The following PAQR5 variants were observed in gnomAD, a reference collection of about 807,000 sequenced individuals.
PAQR5 encodes the protein membrane progestin receptor gamma.
PAQR5 carries 20 observed loss-of-function variants against 34.5 expected under a neutral mutation model. The ratio of observed to expected loss-of-function variants is 0.58; its 90% CI spans 0.41 to 0.84. PAQR5 has a LOEUF of 0.84. PAQR5 is among the 40% of genes least tolerant of loss of function. The pLI is 0.00. For synonymous variants in PAQR5, 131 were observed against 155.6 expected, an observed-to-expected ratio of 0.84 and a Z score of 1.18; for missense variants, 378 against 412.7, an observed-to-expected ratio of 0.92 and a Z score of 0.73.
intron 3 of PAQR5, among the ~76,000 whole-genome samples, chr15:69,365,097 ATTTTATTTTATTT>A (rs1482297384): frequency 3.5e-5 from 1 of 28,838 alleles, no homozygotes; most frequent in African/African-American, 6.8e-5. Flanking sequence ...ATTTTATTTT[ATTTTATTTTATTT>A]TATTTATTTA....
At chr15:69,387,757 T>C (rs2056152206) in intron 5 of PAQR5, among the ~76,000 whole-genome samples, 1 of 152,134 alleles carries the variant, frequency 6.6e-6, no homozygotes, top group South Asian at 2.1e-4. Flanking sequence ...TCTGTCTGTG[T>C]AAGAGTTCCT....
rs146889327 is a variant in PAQR5 at position 69,361,000 on chromosome 15, G to A, written c.51+869G>A. On this transcript the variant is annotated intron_variant, in intron 3 of 8. Transcript: ENST00000395407. ...TAACCCTAAAAGCCTGTGAAGCCAG[G>A]TGATTCCAGGAAGATGGCATGGGGG... 4.1e-3 allele frequency among the ~76,000 whole-genome samples: 622 copies of A among 152,316 alleles called. 6 individuals are homozygous for A. The highest frequency in any genetic ancestry group is 0.012 in the African/African-American group (512 of 41,570).
chr15:69,319,561 TTGG>T (rs1486055942), intron 1 of PAQR5, among the ~76,000 whole-genome samples: 1 of 152,018 alleles, frequency 6.6e-6, no homozygotes, highest in Non-Finnish European at 1.5e-5. Context: ...TAGGCCCACC[TTGG>T]CGGCTCTGGG....
At chr15:69,329,653 A>G (rs1373798798) in intron 1 of PAQR5, among the ~76,000 whole-genome samples, 1 of 151,154 alleles carries the variant, frequency 6.6e-6, no homozygotes, top group African/African-American at 2.4e-5. Flanking sequence ...CCCGGCTAAT[A>G]TTTTGTATTT....
intron 1 of PAQR5, among the ~76,000 whole-genome samples, chr15:69,319,862 C>T (rs2054053705): frequency 6.6e-6 from 1 of 152,212 alleles, no homozygotes; most frequent in African/African-American, 2.4e-5. Flanking sequence ...CTCCAGGTTC[C>T]CAGCCTGCTG....
chr15:69,312,863 T>C (rs984384411), intron 1 of PAQR5, among the ~76,000 whole-genome samples: 1 of 152,100 alleles, frequency 6.6e-6, no homozygotes, highest in African/African-American at 2.4e-5. Flanking sequence ...GGGGTGGGGA[T>C]TTGCCTGTTC....
chr15:69,345,984 A>G lies in PAQR5; in HGVS notation c.-116+8483A>G, dbSNP rs2054758948. On this transcript the variant is annotated intron_variant, in intron 2 of 8. Coordinates refer to ENST00000395407, the MANE Select transcript of PAQR5 (RefSeq NM_017705.4). ...ATGAAATCTTATATGGAACACAAAT[A>G]CACTGTTAAAACATTGGCAGAGCTT... 5.3e-5 allele frequency among the ~76,000 whole-genome samples: 8 copies of G among 152,352 alleles called. 1 individual carries two copies. The South Asian group carries it at 1.7e-3, about 32-fold the overall frequency.
rs2053580545 is a variant in PAQR5 at position 69,300,939 on chromosome 15, C to CTTTCCT, written c.-277+1887_-277+1888insCTTTTC. Among the ~76,000 whole-genome samples the CTTTCCT allele has an allele frequency of 5.4e-5, 2 of 37,278 alleles. 1 individual carries two copies. The highest frequency in any genetic ancestry group is 1.6e-4 in the African/African-American group (2 of 12,476). The allele number at this position is 37,278 out of a possible 152,430, so 24.5% of individuals were successfully genotyped here. A position where few individuals can be genotyped will look rare whatever the true frequency, so the allele number is the denominator to read the frequency against. Reference sequence around the variant, plus strand: ...TTTCTCTCTCTCTCTCTCTCTCTCTCTTTCTTTCCTTCTTTCTTTCTTTCT... The same window carrying CTTTCCT: ...TTTCTCTCTCTCTCTCTCTCTCTCTCTTTCCTTTTCTTTCCTTCTTTCTTTCTTTCT... On this transcript the variant is annotated intron_variant, in intron 1 of 8. Transcript: ENST00000395407.
At position 69,366,889 on chromosome 15, in the gene PAQR5, C is replaced by G. The variant is rs563633891; in HGVS notation, c.51+6758C>G. Among the ~76,000 whole-genome samples, 20 of 151,570 alleles carry G rather than the reference C, an allele frequency of 1.3e-4. 1 individual carries two copies. In the South Asian group the frequency reaches 3.6e-3, roughly 27 times the overall value. The stretch of plus-strand genomic sequence containing the variant: ...AGGTATATCCAAGTTTATAATTGTC[C>G]TATTTTCTATCTTCCCGATGTTGCA... On this transcript the variant is annotated intron_variant, in intron 3 of 8. Transcript: ENST00000395407.
intron 2 of PAQR5, among the ~76,000 whole-genome samples, chr15:69,339,632 C>T (rs1438686414): frequency 6.6e-6 from 1 of 152,118 alleles, no homozygotes; most frequent in African/African-American, 2.4e-5. Context: ...ACCACCATGC[C>T]TGGCAATTTT....
At chr15:69,344,320 T>C (rs2054713642) in intron 2 of PAQR5, among the ~76,000 whole-genome samples, 1 of 152,224 alleles carries the variant, frequency 6.6e-6, no homozygotes, top group South Asian at 2.1e-4. Flanking sequence ...ATACCATAGC[T>C]GTCATGCCAG....
Position 69,300,841 on chromosome 15 carries a change from T to TTTTTTCTTTC in PAQR5, c.-277+1788_-277+1789insTTCTTTCTTT, listed in dbSNP as rs1555411033. 6.1e-4 allele frequency among the ~76,000 whole-genome samples: 12 copies of TTTTTTCTTTC among 19,580 alleles called. 3 individuals carry two copies. Among genetic ancestry groups the TTTTTTCTTTC allele is most frequent in the African/African-American group, 2.1e-3 (12 of 5,652 alleles). The allele number at this position is 19,580 out of a possible 152,430, so 12.8% of individuals were successfully genotyped here. On this transcript the variant is annotated intron_variant, in intron 1 of 8. Transcript: ENST00000395407. ...TTCCTTCCTTCCTTCCTTTAGTTCG[T>TTTTTTCTTTC]TTTCTTTCTTTCTTTCTTTCTTTCT...
At chr15:69,314,178 G>A (rs966371197) in intron 1 of PAQR5, among the ~76,000 whole-genome samples, 1 of 151,890 alleles carries the variant, frequency 6.6e-6, no homozygotes, top group Non-Finnish European at 1.5e-5. Flanking sequence ...TCTAGAACCT[G>A]ACTAATCATT....
At position 69,328,730 on chromosome 15, in the gene PAQR5, G is replaced by T. The variant is rs541108008; in HGVS notation, c.-276-8611G>T. On this transcript the variant is annotated intron_variant, in intron 1 of 8. Transcript: ENST00000395407. ...CTCCTTAGGGCCCTGCCAGGTTCCC[G>T]TTGCCTTTCCCTCTGTCACCCATCC... Among the ~76,000 whole-genome samples the T allele has an allele frequency of 3.3e-5, 5 of 152,304 alleles. No homozygotes were observed. The East Asian group carries it at 7.7e-4, about 24-fold the overall frequency.
At chr15:69,387,481 T>A (rs1004392870) in intron 5 of PAQR5, among the ~76,000 whole-genome samples, 1 of 152,236 alleles carries the variant, frequency 6.6e-6, no homozygotes, top group African/African-American at 2.4e-5. Flanking sequence ...TATGTTCTGA[T>A]GATTAAATGT....
chr15:69,307,678 G>A (rs553688902), intron 1 of PAQR5, among the ~76,000 whole-genome samples: 1 of 152,356 alleles, frequency 6.6e-6, no homozygotes, highest in Non-Finnish European at 1.5e-5. Flanking sequence ...CAGGAAGTGA[G>A]ACAGGCTGAT....
At chr15:69,397,698 G>C in intron 7 of PAQR5, 134 bp downstream of exon 7, 1 of 689,768 alleles carries the variant, frequency 1.4e-6, no homozygotes. Context: ...CAGGTGAAGG[G>C]GGCCAGCCCC....
At chr15:69,316,968 C>G (rs558466967) in intron 1 of PAQR5, among the ~76,000 whole-genome samples, 1 of 152,158 alleles carries the variant, frequency 6.6e-6, no homozygotes, top group Non-Finnish European at 1.5e-5. Flanking sequence ...TACAGGCACA[C>G]GCCACTAGGC....
At chr15:69,332,841 T>C (rs892129646) in intron 1 of PAQR5, among the ~76,000 whole-genome samples, 6 of 148,912 alleles carry the variant, frequency 4.0e-5, no homozygotes, top group African/African-American at 1.5e-4. Context: ...CATGAATGTG[T>C]CCATGGTTAA....
Sources: gnomAD v4.1 joint callset for allele counts (sites outside exome capture counted in the v4.1 genomes callset) on GRCh38, gnomAD v4.1.1 for gene constraint, MANE v1.5 for transcripts, NCBI Gene and HGNC (gene_info 2026-07-23, HGNC 2026-07-21) for gene names.